Variants in SNRNP200 observed in about 807,000 individuals in gnomAD.
SNRNP200 encodes small nuclear ribonucleoprotein U5 subunit 200.
SNRNP200 carries 66 observed loss-of-function variants against 255.2 expected under a neutral mutation model. The ratio of observed to expected loss-of-function variants is 0.26; its 90% CI spans 0.21 to 0.32. The LOEUF is 0.32. Ranked by LOEUF, SNRNP200 falls within the 10% of genes least tolerant of loss-of-function variation. SNRNP200 has a pLI of 1.00. For synonymous variants in SNRNP200, 939 were observed against 1,027.8 expected, an observed-to-expected ratio of 0.91 and a Z score of 1.65; for missense variants, 1,585 against 2,749.8, an observed-to-expected ratio of 0.58 and a Z score of 9.47.
chr2:96,289,238 T>C lies in SNRNP200; in HGVS notation c.3082A>G (p.Thr1028Ala), dbSNP rs750153298. ...CTGCATAGGCTCACCTCTCTCACTG[T>C]GATGTTCTTGAACTCAGAGGACAAT... is the stretch of plus-strand genomic sequence containing the variant. ...FSLSSEFKNI[T>A]VREEEKLELQ... Residue 1028 changes from threonine (T) to alanine (A), a missense_variant, in exon 22 of 45, where the codon ACA becomes GCA. Transcript: ENST00000323853. 1 of 1,614,228 alleles carries C rather than the reference T, an allele frequency of 6.2e-7. No individual in the cohort carries two copies. The highest frequency in any genetic ancestry group is 8.5e-7 in the Non-Finnish European group (1 of 1,180,042).
At position 96,285,906 on chromosome 2, in the gene SNRNP200, A is replaced by G. The variant is rs532127486; in HGVS notation, c.4003+405T>C. ...TTTTAGGCTTGATGGGAGGAATAAG[A>G]GAGAAAACACCGGTGATGTACTCAG... On this transcript the variant is annotated intron_variant, in intron 29 of 44. Coordinates refer to ENST00000323853, the MANE Select transcript of SNRNP200 (RefSeq NM_014014.5). 4.6e-5 allele frequency among the ~76,000 whole-genome samples: 7 copies of G among 152,320 alleles called. No individual in the cohort carries two copies. The East Asian group carries it at 1.3e-3, about 29-fold the overall frequency.
rs1011119518 is a variant in SNRNP200, at chr2:96,280,028, C to T, written c.5025-469G>A. On this transcript the variant is annotated intron_variant, in intron 35 of 44. Transcript: ENST00000323853. ...TCAAGTGATCCTCTCACTTTAGCCT[C>T]CAGAGCAGGTGGGACTACAGGTGCA... 3.9e-5 allele frequency among the ~76,000 whole-genome samples: 6 copies of T among 152,328 alleles called. No individual in the cohort carries two copies. The South Asian group carries it at 1.2e-3, about 32-fold the overall frequency.
chr2:96,274,982 T>C lies in SNRNP200; in HGVS notation c.*30A>G, dbSNP rs1388865399. ...CACATTCCTAATTCAGGCTCAACTC[T>C]CCTTTACCCAAAAGTAAATGCCTCA... is the stretch of plus-strand genomic sequence containing the variant. On this transcript the variant is annotated 3_prime_UTR_variant, in exon 45 of 45. Coordinates refer to ENST00000323853, the MANE Select transcript of SNRNP200 (RefSeq NM_014014.5). The C allele has an allele frequency of 5.0e-6, 8 of 1,612,486 alleles. No homozygotes were observed. The South Asian group carries it at 6.6e-5, about 13-fold the overall frequency.
chr2:96,287,403 A>G lies in SNRNP200; in HGVS notation c.3484+36T>C, dbSNP rs200406288. 1.4e-6 allele frequency: 2 copies of G among 1,459,430 alleles called. No individual in the cohort carries two copies. The highest frequency in any genetic ancestry group is 4.5e-5 in the East Asian group (2 of 44,174). The allele number at this position is 1,459,430 out of a possible 1,614,324, so 90.4% of individuals were successfully genotyped here. On this transcript the variant is annotated intron_variant, in intron 26 of 44. Transcript: ENST00000323853. This position sits in a 1 kb window ranked among gnomAD's most constrained non-coding sequence, Gnocchi z 5.7. ...CATAGGCAAACTGGGAGAGACACCC[A>G]GGCAGTGAGGACAAGGGCGAGAGCA...
intron 35 of SNRNP200, among the ~76,000 whole-genome samples, chr2:96,280,420 C>A (rs1276786029): frequency 2.0e-5 from 3 of 152,046 alleles, no homozygotes; most frequent in Non-Finnish European, 4.4e-5. Context: ...ATTGCTTGAG[C>A]CTGGCAGGCA....
intron 11 of SNRNP200, 92 bp from the exon 12 acceptor site, chr2:96,297,162 T>A: frequency 6.3e-7 from 1 of 1,587,550 alleles, no homozygotes; most frequent in South Asian, 1.1e-5. Flanking sequence ...TCCCTGGCAA[T>A]CTCTTTGCAT....
chr2:96,278,425 C>T lies in SNRNP200; in HGVS notation c.5489-67G>A, dbSNP rs554846900. 6.2e-7 allele frequency: 1 copy of T among 1,612,064 alleles called. No homozygotes were observed. Among genetic ancestry groups the T allele is most frequent in the African/African-American group, 1.3e-5 (1 of 75,040 alleles). ...GAGAAGGAGCAGAACTGCCCGGGCT[C>T]CCCTGCTGTCCCCTGCAGTGTCATC... is the stretch of plus-strand genomic sequence containing the variant. On this transcript the variant is annotated intron_variant, in intron 38 of 44. Transcript: ENST00000323853. The surrounding 1 kb of genome is among the most constrained non-coding windows in gnomAD (Gnocchi z 6.9).
In SNRNP200 at chr2:96,286,065, G is replaced by A. The variant is rs930629202; in HGVS notation, c.4003+246C>T. Among the ~76,000 whole-genome samples, 1 of 152,204 alleles carries A rather than the reference G, an allele frequency of 6.6e-6. No homozygotes were observed. Among genetic ancestry groups the A allele is most frequent in the East Asian group, 1.9e-4 (1 of 5,200 alleles). ...CCAGGGGCAGGCCTCTAAGCCTCCT[G>A]GGCCCGAGAAATGACCATGCCATGT... On this transcript the variant is annotated intron_variant, in intron 29 of 44. Coordinates refer to ENST00000323853, the MANE Select transcript of SNRNP200 (RefSeq NM_014014.5). This position sits in a 1 kb window ranked among gnomAD's most constrained non-coding sequence, Gnocchi z 4.8.
chr2:96,305,318 T>C (rs2063980779), intron 1 of SNRNP200, 75 bp downstream of exon 1: 29 of 1,591,280 alleles, frequency 1.8e-5, no homozygotes, highest in African/African-American at 2.7e-5. Flanking sequence ...GCCTTCAGAC[T>C]GAAACTCCCT....
Position 96,277,267 on chromosome 2 carries a change from A to G in SNRNP200, c.5932-26T>C, listed in dbSNP as rs781152133. ...CTGCAGTGAGTATTCAGACGTCAGG[A>G]AAGAGAGAACACGGGCCAACAGCAA... On this transcript the variant is annotated intron_variant, in intron 41 of 44. Coordinates refer to ENST00000323853, the MANE Select transcript of SNRNP200 (RefSeq NM_014014.5). The surrounding 1 kb of genome is among the most constrained non-coding windows in gnomAD (Gnocchi z 4.4). 8.1e-6 allele frequency: 13 copies of G among 1,613,586 alleles called. No homozygotes were observed. Among genetic ancestry groups the G allele is most frequent in the Non-Finnish European group, 5.9e-6 (7 of 1,179,692 alleles).
chr2:96,276,201 T>C (rs1017795650), intron 43 of SNRNP200, among the ~76,000 whole-genome samples: 1 of 152,116 alleles, frequency 6.6e-6, no homozygotes, highest in Non-Finnish European at 1.5e-5. Context: ...CTATCAACCT[T>C]CAATTATTCT....
At position 96,277,416 on chromosome 2, in the gene SNRNP200, CCT is replaced by C. The variant is rs1684686449; in HGVS notation, c.5931+121_5931+122del. On this transcript the variant is annotated intron_variant, in intron 41 of 44. Transcript: ENST00000323853. This position sits in a 1 kb window ranked among gnomAD's most constrained non-coding sequence, Gnocchi z 4.4. ...CTCTCTAGCATCTCAACAGGGAGCA[CCT>C]TCGGAGGAACCATAACTAAAAGTTT... is the stretch of plus-strand genomic sequence containing the variant. 1.2e-5 allele frequency: 16 copies of C among 1,334,872 alleles called. No individual in the cohort carries two copies. The highest frequency in any genetic ancestry group is 1.7e-5 in the Non-Finnish European group (16 of 937,404). The allele number at this position is 1,334,872 out of a possible 1,614,324, so 82.7% of individuals were successfully genotyped here. A position where few individuals can be genotyped will look rare whatever the true frequency, so the allele number is the denominator to read the frequency against.
chr2:96,294,002 C>T (rs755546320), intron 14 of SNRNP200, among the ~76,000 whole-genome samples: 1 of 152,100 alleles, frequency 6.6e-6, no homozygotes, highest in Non-Finnish European at 1.5e-5. Flanking sequence ...GGCCACAAAT[C>T]CTGCATTTCT....
chr2:96,286,333 G>C lies in SNRNP200; in HGVS notation c.3981C>G (p.Phe1327Leu). The C allele has an allele frequency of 6.2e-7, 1 of 1,614,134 alleles. No homozygotes were observed. ...TACCCTGGGTCTGGATGGGATTGAA[G>C]AAAGGAAATTTATCTTGGTAAAGAC... ...FESLYQDKFP[F>L]FNPIQTQVFN... is the part of the protein sequence containing the mutation. The change falls in exon 29 of 45, where the codon TTC (phenylalanine) becomes TTG (leucine). Residue 1327 changes from phenylalanine (F) to leucine (L), a missense_variant. Around this residue, in one of 9 missense-constraint regions of SNRNP200, gnomAD observed 719 missense variants for 1,091.1 expected, o/e 0.66. Coordinates refer to ENST00000323853, the MANE Select transcript of SNRNP200 (RefSeq NM_014014.5). This position sits in a 1 kb window ranked among gnomAD's most constrained non-coding sequence, Gnocchi z 4.8.
At position 96,293,390 on chromosome 2, in the gene SNRNP200, G is replaced by C. The variant is rs1359279523; in HGVS notation, c.1962C>G (p.Thr654=). The change falls in exon 15 of 45, where the codon ACC becomes ACG. Residue 654 remains threonine, a synonymous_variant. Transcript: ENST00000323853. ...TGGCTACATCTTCATAGTTGGGTAGGGTGGCACTGAGACCAATGAGTCGGA... is the reference window on the plus strand; with the variant it reads ...TGGCTACATCTTCATAGTTGGGTAGCGTGGCACTGAGACCAATGAGTCGGA... The part of the protein sequence containing the change: ...EDVRLIGLSA[T]LPNYEDVATF... 1 of 1,614,112 alleles carries C rather than the reference G, an allele frequency of 6.2e-7. No individual in the cohort carries two copies.
intron 34 of SNRNP200, chr2:96,282,887 T>G (rs1194268828): frequency 2.1e-6 from 1 of 465,450 alleles, no homozygotes; most frequent in African/African-American, 2.0e-5. Flanking sequence ...ACTAATACAC[T>G]TGGGGAGTCT....
At position 96,278,122 on chromosome 2, in the gene SNRNP200, G is replaced by C; in HGVS notation, c.5610+115C>G. ...GGAGGTATGGAGCGGGAGGACATATGGCGGGGGTCGGGGGATGCGTATGGG... is the reference window on the plus strand; with the variant it reads ...GGAGGTATGGAGCGGGAGGACATATCGCGGGGGTCGGGGGATGCGTATGGG... On this transcript the variant is annotated intron_variant, in intron 39 of 44. Transcript: ENST00000323853. This position sits in a 1 kb window ranked among gnomAD's most constrained non-coding sequence, Gnocchi z 6.9. The C allele has an allele frequency of 6.4e-7, 1 of 1,553,568 alleles. No homozygotes were observed.
intron 8 of SNRNP200, 41 bp downstream of exon 8, chr2:96,298,562 A>G (rs2063933646): frequency 1.2e-6 from 2 of 1,603,580 alleles, no homozygotes; most frequent in Non-Finnish European, 1.7e-6. Flanking sequence ...ACATGCACAC[A>G]TATGTACTCA....
intron 1 of SNRNP200, 51 bp from the exon 2 acceptor site, chr2:96,304,919 C>T (rs1574003627): frequency 6.3e-7 from 1 of 1,589,710 alleles, no homozygotes; most frequent in Non-Finnish European, 8.6e-7. Flanking sequence ...GGGCCAATTC[C>T]TACTATCATA....
Sources: gnomAD v4.1 joint callset for allele counts (sites outside exome capture counted in the v4.1 genomes callset) on GRCh38, gnomAD v4.1.1 for gene constraint, gnomAD v4.1.1 regional missense constraint, Gnocchi (gnomAD v3.1) non-coding constraint, MANE v1.5 for transcripts, NCBI Gene and HGNC (gene_info 2026-07-23, HGNC 2026-07-21) for gene names.